CNTLN: variants seen among roughly 807,000 people sequenced by gnomAD.
CNTLN encodes the protein centlein, centrosomal protein.
A neutral mutation model predicts 180.0 loss-of-function variants in CNTLN; 212 were observed. The ratio of observed to expected loss-of-function variants is 1.18; its 90% CI spans 1.05 to 1.32. The LOEUF (loss-of-function observed/expected upper bound fraction) is 1.32, where lower values mean the gene tolerates loss of function less well. CNTLN is among the 40% of genes most tolerant of loss of function. The pLI is 0.00. For synonymous variants in CNTLN, 722 were observed against 563.1 expected (o/e 1.28, Z -3.99); for missense variants, 2,095 against 1,610.9 (o/e 1.30, Z -5.14).
At chr9:17,228,369 T>C (rs940994642) in intron 3 of CNTLN, among the ~76,000 whole-genome samples, 5 of 152,106 alleles carry the variant, frequency 3.3e-5, no homozygotes, top group Non-Finnish European at 5.9e-5. Flanking sequence ...AGAAATTATT[T>C]GCTTTGTAGG....
intron 18 of CNTLN, among the ~76,000 whole-genome samples, chr9:17,419,478 A>G (rs1828532994): frequency 6.6e-6 from 1 of 152,152 alleles, no homozygotes; most frequent in Non-Finnish European, 1.5e-5. Context: ...TAATATGAGG[A>G]AAATGTTATA....
intron 2 of CNTLN, among the ~76,000 whole-genome samples, chr9:17,209,533 C>A (rs1414031143): frequency 6.6e-6 from 1 of 152,156 alleles, no homozygotes; most frequent in Admixed American, 6.5e-5. Context: ...AAGCCTCCAG[C>A]TATTCTTGTA....
chr9:17,395,091 C>G, intron 15 of CNTLN, 22 bp downstream of exon 15: 1 of 1,585,760 alleles, frequency 6.3e-7, no homozygotes, highest in South Asian at 1.2e-5. Flanking sequence ...ATTAACTTAG[C>G]TCTGTGGTGG....
intron 6 of CNTLN, among the ~76,000 whole-genome samples, chr9:17,276,724 G>C (rs1389828111): frequency 1.3e-5 from 2 of 151,996 alleles, no homozygotes; most frequent in Non-Finnish European, 2.9e-5. Flanking sequence ...TAAAATGGCA[G>C]TATTTGCACA....
At chr9:17,149,543 G>A (rs9407783) in intron 2 of CNTLN, among the ~76,000 whole-genome samples, 76,107 of 136,616 alleles carry the variant, frequency 0.56, 23,372 homozygotes, top group African/African-American at 0.82. Context: ...TTAGAGACTG[G>A]GTCTCGCTCT....
intron 13 of CNTLN, among the ~76,000 whole-genome samples, chr9:17,380,126 A>G (rs1392294722): frequency 6.6e-6 from 1 of 152,164 alleles, no homozygotes; most frequent in Non-Finnish European, 1.5e-5. Context: ...CCAGCTCCCC[A>G]TATTTTATTT....
At chr9:17,322,323 C>G (rs1443634511) in intron 8 of CNTLN, among the ~76,000 whole-genome samples, 2 of 151,980 alleles carry the variant, frequency 1.3e-5, no homozygotes, top group African/African-American at 4.8e-5. Flanking sequence ...TAAGTCTTAA[C>G]TATAAACTTT....
intron 6 of CNTLN, among the ~76,000 whole-genome samples, chr9:17,293,461 C>G (rs546601844): frequency 6.6e-6 from 1 of 152,324 alleles, no homozygotes; most frequent in South Asian, 2.1e-4. Context: ...GTCCCTAAAC[C>G]CCTGGCTGCA....
At position 17,135,317 on chromosome 9, in the gene CNTLN, G is replaced by A. The variant is rs200028190; in HGVS notation, c.252G>A (p.Met84Ile). Residue 84 changes from methionine to isoleucine, a missense_variant, in exon 1 of 26, where the codon ATG becomes ATA. Coordinates refer to ENST00000380647, the MANE Select transcript of CNTLN (RefSeq NM_017738.4). The part of the protein sequence containing the change: ...PAHAPLLSAP[M>I]GSRRLEGISV... ...ATGCTCCCCTCCTCAGCGCGCCCAT[G>A]GGGTCCAGACGGCTAGAGGGCATCT... 3 of 1,602,594 alleles carry A rather than the reference G, an allele frequency of 1.9e-6. No homozygotes were observed. The African/African-American group carries it at 4.0e-5, about 21-fold the overall frequency.
rs756491945 is a variant in CNTLN at position 17,427,196 on chromosome 9, C to T, written c.3114+11007C>T. 3.3e-5 allele frequency among the ~76,000 whole-genome samples: 5 copies of T among 152,150 alleles called. No individual in the cohort carries two copies. The East Asian group carries it at 9.7e-4, about 29-fold the overall frequency. On this transcript the variant is annotated intron_variant, in intron 18 of 25. Transcript: ENST00000380647. ...CCTGGTGATTTCCATGCAGCAGGTGCTACCGAACCTCCAGTCACATGCTCC... is the reference window on the plus strand; with the variant it reads ...CCTGGTGATTTCCATGCAGCAGGTGTTACCGAACCTCCAGTCACATGCTCC...
chr9:17,295,493 C>T (rs959589165), intron 6 of CNTLN, among the ~76,000 whole-genome samples: 2 of 152,136 alleles, frequency 1.3e-5, no homozygotes, highest in East Asian at 3.9e-4. Flanking sequence ...CTTTTCCTTG[C>T]TCTCTGTGGG....
At chr9:17,156,245 C>T (rs1238802195) in intron 2 of CNTLN, among the ~76,000 whole-genome samples, 1 of 152,090 alleles carries the variant, frequency 6.6e-6, no homozygotes, top group South Asian at 2.1e-4. Flanking sequence ...TTGAGTAGGC[C>T]AGTTTACAAA....
chr9:17,186,293 T>C (rs908744839), intron 2 of CNTLN, among the ~76,000 whole-genome samples: 7 of 152,128 alleles, frequency 4.6e-5, no homozygotes, highest in African/African-American at 1.4e-4. Flanking sequence ...GTTCAGTGCT[T>C]TTTTAGAGTT....
At chr9:17,162,947 C>T (rs915648875) in intron 2 of CNTLN, among the ~76,000 whole-genome samples, 3 of 152,110 alleles carry the variant, frequency 2.0e-5, no homozygotes, top group Non-Finnish European at 2.9e-5. Context: ...TCTGTTCTCA[C>T]ACTGCTAATA....
chr9:17,382,750 C>T (rs1825361639), intron 13 of CNTLN, among the ~76,000 whole-genome samples: 1 of 152,156 alleles, frequency 6.6e-6, no homozygotes, highest in Non-Finnish European at 1.5e-5. Flanking sequence ...TTCCTTCCAG[C>T]CCTATTCTTG....
At chr9:17,167,363 AT>A (rs1387200799) in intron 2 of CNTLN, 2 of 151,964 alleles carry the variant, frequency 1.3e-5, no homozygotes, top group Non-Finnish European at 2.9e-5. Flanking sequence ...TTTGCCTCTT[AT>A]CTTTCACATG....
At chr9:17,205,951 A>G (rs1822890184) in intron 2 of CNTLN, among the ~76,000 whole-genome samples, 1 of 152,184 alleles carries the variant, frequency 6.6e-6, no homozygotes, top group Non-Finnish European at 1.5e-5. Context: ...AATGAGAGGC[A>G]TTATAATGTA....
intron 15 of CNTLN, among the ~76,000 whole-genome samples, chr9:17,401,525 C>T (rs1403641813): frequency 6.7e-6 from 1 of 148,358 alleles, no homozygotes; most frequent in Non-Finnish European, 1.5e-5. Flanking sequence ...GCACGTGCTA[C>T]CGTGCCTGGC....
chr9:17,504,509 C>T (rs990309728), downstream of CNTLN, among the ~76,000 whole-genome samples: 6 of 152,062 alleles, frequency 3.9e-5, no homozygotes, highest in African/African-American at 9.7e-5. Context: ...CCTTAGTCCC[C>T]GAAACCTGCG....
Sources: allele counts gnomAD v4.1 joint callset (sites outside exome capture counted in the v4.1 genomes callset), GRCh38; gene constraint gnomAD v4.1.1; transcripts MANE v1.5; gene names NCBI Gene and HGNC (gene_info 2026-07-23, HGNC 2026-07-21).